NBPF20: variants seen among roughly 807,000 people sequenced by gnomAD.
NBPF20 encodes NBPF member 20, also known as NBPF family member NBPF20.
A neutral mutation model predicts 68.1 loss-of-function variants in NBPF20; 90 were observed. That is an observed-to-expected ratio of 1.32 (90% CI 1.11 to 1.58). The LOEUF (loss-of-function observed/expected upper bound fraction) is 1.58, where lower values mean the gene tolerates loss of function less well. NBPF20 is among the 40% of genes most tolerant of loss of function. The probability of loss-of-function intolerance (pLI) is 0.00; values close to 1 mark genes in which losing one functional copy is unlikely to be tolerated. For synonymous variants in NBPF20, 290 were observed against 228.1 expected (o/e 1.27, Z -2.45); for missense variants, 816 against 601.2 (o/e 1.36, Z -3.74).
At chr1:145,405,161 G>C in exon 2 of NBPF20, 2 of 1,613,684 alleles carry the variant, frequency 1.2e-6, no homozygotes. Context: ...CTCTCTTTGA[G>C]GTTTCCGAAC....
chr1:145,422,761 G>A, the NBPF20 span, among the ~76,000 whole-genome samples: 2 of 152,084 alleles, frequency 1.3e-5, no homozygotes, highest in African/African-American at 4.8e-5. Flanking sequence ...GGCTTAAGTG[G>A]GAAGATTACT....
At chr1:145,291,370 G>C (rs1661066931) in exon 138 of NBPF20, 20 of 1,534,234 alleles carry the variant, frequency 1.3e-5, no homozygotes, top group Non-Finnish European at 1.7e-5. Context: ...CTGAGCACAG[G>C]TTGCCACTGG....
At position 145,296,068 on chromosome 1, in the gene NBPF20, A is replaced by AT. The variant is rs1661309632; in HGVS notation, c.16138+269dup. 2 of 165,124 alleles carry AT rather than the reference A, an allele frequency of 1.2e-5. 1 individual carries two copies. Among genetic ancestry groups the AT allele is most frequent in the African/African-American group, 3.0e-4 (2 of 6,586 alleles). 10.2% of individuals were successfully genotyped at this position (165,124 alleles called of 1,614,324 possible). Reference sequence around the variant, plus strand: ...TTGAGACAAAATCAGAGTTGTGTGAATTTGTCACATCTGCCCAGGTCCAAC... The same window carrying AT: ...TTGAGACAAAATCAGAGTTGTGTGAATTTTGTCACATCTGCCCAGGTCCAAC... On this transcript the variant is annotated intron_variant, in intron 132 of 137. Transcript: ENST00000369373.
intron 5 of NBPF20, 127 bp downstream of exon 10, chr1:145,400,932 A>G (rs1188564060): frequency 1.9e-5 from 22 of 1,167,438 alleles, no homozygotes; most frequent in South Asian, 6.1e-5. Flanking sequence ...AAGCTGGGTT[A>G]TATTTCACAT....
chr1:145,291,595 A>T, exon 138 of NBPF20: 1 of 1,611,988 alleles, frequency 6.2e-7, no homozygotes, highest in Non-Finnish European at 8.5e-7. Context: ...TAAAAAACCT[A>T]TTGTCCACGT....
At chr1:145,314,244 A>C (rs1323245537) in intron 109 of NBPF20, among the ~76,000 whole-genome samples, 1 of 140,974 alleles carries the variant, frequency 7.1e-6, no homozygotes, top group Non-Finnish European at 1.5e-5. Flanking sequence ...ACACACAGAC[A>C]CACACACAGA....
chr1:145,292,417 T>G (rs1553658191), exon 137 of NBPF20: 3 of 693,206 alleles, frequency 4.3e-6, no homozygotes, highest in South Asian at 3.1e-5. Flanking sequence ...TTCCCCTTCT[T>G]TTCTTCCCCT....
chr1:145,407,940 C>G (rs1662875998), upstream of NBPF20: 1 of 163,612 alleles, frequency 6.1e-6, no homozygotes, highest in South Asian at 1.6e-4. Flanking sequence ...CATGAATGGG[C>G]TGACACTGGG....
At chr1:145,409,518 C>A (rs1662925671), upstream of NBPF20, among the ~76,000 whole-genome samples, 1 of 148,218 alleles carries the variant, frequency 6.7e-6, no homozygotes. Flanking sequence ...TTTTCCTGGG[C>A]CTTAAAGCAT....
intron 7 of NBPF20, among the ~76,000 whole-genome samples, chr1:145,397,362 T>G (rs1458738336): frequency 1.4e-4 from 21 of 152,346 alleles, no homozygotes; most frequent in African/African-American, 5.1e-4. Context: ...CCACAATCGT[T>G]GAACTAGTTT....
chr1:145,400,942 T>C lies in NBPF20; in HGVS notation c.566+117A>G. 5 of 1,249,770 alleles carry C rather than the reference T, an allele frequency of 4.0e-6. No homozygotes were observed. The Admixed American group carries it at 6.7e-5, about 17-fold the overall frequency. The allele number at this position is 1,249,770 out of a possible 1,614,324, so 77.4% of individuals were successfully genotyped here. On this transcript the variant is annotated intron_variant, in intron 5 of 137. Transcript: ENST00000369373. ...TGTCTAAGCTGGGTTATATTTCACA[T>C]ACTGTGGCCAAGCAAATGTGGGTTT...
chr1:145,401,200 T>C, intron 4 of NBPF20, 69 bp from the exon 10 acceptor site: 2 of 1,353,396 alleles, frequency 1.5e-6, no homozygotes, highest in East Asian at 2.3e-5. Context: ...CAGCCCAATG[T>C]GCAACAGAGA....
chr1:145,311,961 A>G (rs1426836176), intron 112 of NBPF20, among the ~76,000 whole-genome samples: 1 of 96,754 alleles, frequency 1.0e-5, no homozygotes, highest in Non-Finnish European at 2.0e-5. Context: ...GCCCAGGTCC[A>G]ACGTCATGAG....
chr1:145,408,441 G>A (rs1388453755), upstream of NBPF20, among the ~76,000 whole-genome samples: 1 of 151,946 alleles, frequency 6.6e-6, no homozygotes, highest in Non-Finnish European at 1.5e-5. Context: ...ACATATGTGG[G>A]CATATTGTTT....
upstream of NBPF20, among the ~76,000 whole-genome samples, chr1:145,408,433 A>G (rs1662894246): frequency 1.3e-5 from 2 of 152,026 alleles, no homozygotes; most frequent in Admixed American, 1.3e-4. Flanking sequence ...ATAACTGTAC[A>G]TATGTGGGCA....
upstream of NBPF20, chr1:145,405,926 T>C (rs1319508116): frequency 5.9e-6 from 1 of 170,188 alleles, no homozygotes; most frequent in Non-Finnish European, 1.3e-5. Context: ...CTTTTTCTTT[T>C]TTTTTTTTTG....
chr1:145,395,645 A>C (rs1222948695), intron 7 of NBPF20, among the ~76,000 whole-genome samples: 1 of 150,018 alleles, frequency 6.7e-6, no homozygotes, highest in Non-Finnish European at 1.5e-5. Context: ...AAAAGCATGT[A>C]TACACCTCTC....
chr1:145,292,676 CTG>C (rs1395456074), intron 136 of NBPF20, among the ~76,000 whole-genome samples, 187 bp from the exon 142 acceptor site: 1 of 146,890 alleles, frequency 6.8e-6, no homozygotes, highest in Non-Finnish European at 1.5e-5. Context: ...CTCCCAGAAA[CTG>C]TGGGTAAAAT....
At chr1:145,424,813 G>A in the NBPF20 span, among the ~76,000 whole-genome samples, 2 of 152,130 alleles carry the variant, frequency 1.3e-5, no homozygotes, top group South Asian at 2.1e-4. Context: ...GGCTTGTCCC[G>A]CTAGTCATGA....
Sources: gnomAD v4.1 joint callset for allele counts (sites outside exome capture counted in the v4.1 genomes callset) on GRCh38, gnomAD v4.1.1 for gene constraint, MANE v1.5 for transcripts, NCBI Gene and HGNC (gene_info 2026-07-23, HGNC 2026-07-21) for gene names.